Variants in NLRP14 observed in about 807,000 individuals in gnomAD.
NLRP14 encodes NLR family pyrin domain containing 14, also known as NACHT, LRR and PYD domains-containing protein 14.
A neutral mutation model predicts 94.7 loss-of-function variants in NLRP14; 105 were observed. The ratio of observed to expected loss-of-function variants is 1.11; its 90% confidence interval spans 0.95 to 1.30. The LOEUF (loss-of-function observed/expected upper bound fraction) is 1.30, where lower values mean the gene tolerates loss of function less well. Among genes scored for constraint, NLRP14 ranks in the 50% most tolerant of loss-of-function variants. NLRP14 has a pLI of 0.00. For synonymous variants in NLRP14, 508 were observed against 459.9 expected, an observed-to-expected ratio of 1.10 and a Z score of -1.34; for missense variants, 1,362 against 1,254.1, an observed-to-expected ratio of 1.09 and a Z score of -1.30.
At chr11:7,053,038 T>C (rs142867305) in intron 6 of NLRP14, among the ~76,000 whole-genome samples, 3,515 of 152,314 alleles carry the variant, frequency 0.023, 66 homozygotes, top group Middle Eastern at 0.068. Context: ...AAGTGAACTA[T>C]CCTTTAAAGG....
Position 7,043,521 on chromosome 11 carries a change from G to A in NLRP14, c.1495G>A (p.Glu499Lys). ...AMFYMLKGSW[E>K]AGNPSCQPFE... ...GTTCTATATGTTGAAAGGCAGTTGG[G>A]AAGCTGGGAACCCTTCCTGCCAGCC... is the stretch of plus-strand genomic sequence containing the variant. The change falls in exon 4 of 12, where the codon GAA becomes AAA. Residue 499 changes from glutamate (E) to lysine (K), a missense_variant. Glu to Lys is a moderately conservative substitution (Grantham distance 56). Coordinates refer to ENST00000299481, the MANE Select transcript of NLRP14 (RefSeq NM_176822.4). 6.2e-7 allele frequency: 1 copy of A among 1,614,130 alleles called. No homozygotes were observed. The highest frequency in any genetic ancestry group is 8.5e-7 in the Non-Finnish European group (1 of 1,180,008).
At chr11:7,036,658 C>T (rs1358859585) in intron 1 of NLRP14, among the ~76,000 whole-genome samples, 5 of 152,026 alleles carry the variant, frequency 3.3e-5, no homozygotes, top group African/African-American at 4.8e-5. Flanking sequence ...TCCCAAAATG[C>T]CCCTTGAGTT....
chr11:7,090,557 A>C, the NLRP14 span: 1 of 525,514 alleles, frequency 1.9e-6, no homozygotes, highest in Non-Finnish European at 3.5e-6. Context: ...TAGTCTTCTT[A>C]CATTTACAAG....
chr11:7,089,719 C>G, the NLRP14 span: 2 of 1,529,118 alleles, frequency 1.3e-6, no homozygotes, highest in Non-Finnish European at 1.8e-6. Flanking sequence ...GAGCCGCTGC[C>G]CCCGCGCCGC....
At chr11:7,059,813 A>G (rs1852584929) in intron 8 of NLRP14, 81 bp from the exon 9 acceptor site, 2 of 1,232,860 alleles carry the variant, frequency 1.6e-6, no homozygotes, top group East Asian at 2.5e-5. Context: ...AAGGGATCAA[A>G]TCATGAAATC....
intron 9 of NLRP14, 25 bp from the exon 10 acceptor site, chr11:7,062,308 A>C: frequency 6.3e-7 from 1 of 1,599,500 alleles, no homozygotes; most frequent in Non-Finnish European, 8.6e-7. Flanking sequence ...GGAAGGATTC[A>C]CTTTTCCTAT....
chr11:7,081,227 C>T, the NLRP14 span, among the ~76,000 whole-genome samples: 2 of 151,854 alleles, frequency 1.3e-5, no homozygotes, highest in Non-Finnish European at 2.9e-5. Context: ...AGAATTAGGG[C>T]CTTGTCCCAA....
the NLRP14 span, among the ~76,000 whole-genome samples, chr11:7,087,911 G>A: frequency 1.3e-5 from 2 of 152,160 alleles, no homozygotes; most frequent in Non-Finnish European, 2.9e-5. Context: ...CATAAAAAAG[G>A]TATTCACCAG....
chr11:7,024,830 A>G (rs1163988372), intron 1 of NLRP14, among the ~76,000 whole-genome samples: 1 of 152,160 alleles, frequency 6.6e-6, no homozygotes, highest in Non-Finnish European at 1.5e-5. Flanking sequence ...AAAAATGGTC[A>G]CTTTTTGTAT....
At position 7,042,577 on chromosome 11, in the gene NLRP14, C is replaced by A. The variant is rs1852273307; in HGVS notation, c.551C>A (p.Ala184Asp). 6.2e-7 allele frequency: 1 copy of A among 1,614,074 alleles called. No individual in the cohort carries two copies. Among genetic ancestry groups the A allele is most frequent in the Non-Finnish European group, 8.5e-7 (1 of 1,180,024 alleles). ...AQPQIVVLQG[A>D]AGVGKTTLVR... is the part of the protein sequence containing the mutation. ...CCACAGATCGTGGTGCTTCAGGGAG[C>A]TGCTGGAGTTGGGAAAACAACCTTG... is the stretch of plus-strand genomic sequence containing the variant. The change falls in exon 4 of 12, where the codon GCT becomes GAT. Residue 184 changes from alanine to aspartate, a missense_variant. Coordinates refer to ENST00000299481, the MANE Select transcript of NLRP14 (RefSeq NM_176822.4).
At chr11:7,024,567 G>C (rs927407698) in intron 1 of NLRP14, among the ~76,000 whole-genome samples, 1 of 152,138 alleles carries the variant, frequency 6.6e-6, no homozygotes, top group African/African-American at 2.4e-5. Context: ...TTGTGACTGA[G>C]AGAGGTCTCT....
downstream of NLRP14, among the ~76,000 whole-genome samples, chr11:7,071,891 T>C (rs1021705990): frequency 6.6e-6 from 1 of 152,142 alleles, no homozygotes; most frequent in African/African-American, 2.4e-5. Flanking sequence ...CTAGTTTCAA[T>C]AGAAATGGGA....
intron 11 of NLRP14, among the ~76,000 whole-genome samples, chr11:7,070,874 A>G (rs1165339294): frequency 2.0e-5 from 3 of 152,202 alleles, no homozygotes; most frequent in African/African-American, 7.2e-5. Context: ...CTCTGTTTTT[A>G]TTATTATCAG....
chr11:7,039,856 C>T, intron 3 of NLRP14, 71 bp downstream of exon 3: 5 of 1,181,560 alleles, frequency 4.2e-6, no homozygotes, highest in Non-Finnish European at 6.4e-6. Context: ...GATTTATCTC[C>T]CGAGGACTTT....
chr11:7,088,877 G>T, the NLRP14 span: 1 of 551,654 alleles, frequency 1.8e-6, no homozygotes, highest in Non-Finnish European at 3.3e-6. Context: ...GGAAGTTAAA[G>T]ACTGAAAAGG....
the NLRP14 span, among the ~76,000 whole-genome samples, chr11:7,077,965 T>C: frequency 6.6e-6 from 1 of 152,094 alleles, no homozygotes; most frequent in Non-Finnish European, 1.5e-5. Context: ...GGGGGGACCC[T>C]GGGGTTGTTT....
chr11:7,090,063 T>C, the NLRP14 span: 2 of 1,612,946 alleles, frequency 1.2e-6, no homozygotes, highest in South Asian at 1.1e-5. Context: ...CCGGGGCTAC[T>C]CACCCGATGC....
chr11:7,043,699 C>T lies in NLRP14; in HGVS notation c.1673C>T (p.Ser558Leu), dbSNP rs751350095. 3 of 1,613,744 alleles carry T rather than the reference C, an allele frequency of 1.9e-6. No homozygotes were observed. The highest frequency in any genetic ancestry group is 2.5e-6 in the Non-Finnish European group (3 of 1,179,822). Reference protein sequence around the residue: ...FNCKMSLKIKSKLLQCMEVLG... With the variant: ...FNCKMSLKIKLKLLQCMEVLG... Reference sequence around the variant, plus strand: ...TGTAAAATGTCACTGAAGATAAAATCAAAGTTACTTCAGTGTATGGAAGTA... The same window carrying T: ...TGTAAAATGTCACTGAAGATAAAATTAAAGTTACTTCAGTGTATGGAAGTA... The change falls in exon 4 of 12, where the codon TCA becomes TTA. Residue 558 changes from serine (S) to leucine (L), a missense_variant. Ser to Leu is a moderately radical substitution (Grantham distance 145, BLOSUM62 -2). Transcript: ENST00000299481.
At chr11:7,077,402 C>T in the NLRP14 span, among the ~76,000 whole-genome samples, 19 of 152,226 alleles carry the variant, frequency 1.2e-4, no homozygotes, top group Admixed American at 1.1e-3. Context: ...GGCCGAGGTC[C>T]CAATCTCTGA....
Sources: gnomAD v4.1 joint callset for allele counts (sites outside exome capture counted in the v4.1 genomes callset) on GRCh38, gnomAD v4.1.1 for gene constraint, MANE v1.5 for transcripts, NCBI Gene and HGNC (gene_info 2026-07-23, HGNC 2026-07-21) for gene names.